The following DAGLB variants were observed in gnomAD, a reference collection of about 807,000 sequenced individuals.
DAGLB encodes diacylglycerol lipase-beta.
DAGLB carries 66 observed loss-of-function variants against 72.1 expected under a neutral mutation model. The observed-to-expected ratio is 0.92, with a 90% CI of 0.75 to 1.12. The LOEUF (loss-of-function observed/expected upper bound fraction) is 1.12. Among genes scored for constraint, DAGLB ranks in the 50% most tolerant of loss-of-function variants. DAGLB has a pLI of 0.00. For synonymous variants in DAGLB, 414 were observed against 359.5 expected, an observed-to-expected ratio of 1.15 and a Z score of -1.71; for missense variants, 1,065 against 884.9, an observed-to-expected ratio of 1.20 and a Z score of -2.58.
At chr7:6,423,624 T>C (rs181138828) in intron 8 of DAGLB, among the ~76,000 whole-genome samples, 51 of 147,700 alleles carry the variant, frequency 3.5e-4, no homozygotes, top group Non-Finnish European at 6.2e-4. Flanking sequence ...GGTCTCACTC[T>C]GTCTCCAGGC....
Position 6,426,066 on chromosome 7 carries a change from G to A in DAGLB, c.978C>T (p.Leu326=). The part of the protein sequence containing the change: ...TDYDLVGGDQ[L]NCHFGSILHT... ...GCAGGATGGAGCCGAAGTGACAGTTGAGCTGATCGCCTCCGACCAAGTCAT... is the reference window on the plus strand; with the variant it reads ...GCAGGATGGAGCCGAAGTGACAGTTAAGCTGATCGCCTCCGACCAAGTCAT... The change falls in exon 7 of 15, where the codon CTC becomes CTT. Residue 326 remains leucine (L), a synonymous_variant. Transcript: ENST00000297056. 1 of 1,614,086 alleles carries A rather than the reference G, an allele frequency of 6.2e-7. No homozygotes were observed. Among genetic ancestry groups the A allele is most frequent in the South Asian group, 1.1e-5 (1 of 91,076 alleles).
intron 2 of DAGLB, among the ~76,000 whole-genome samples, chr7:6,443,900 G>A (rs1164072395): frequency 6.6e-6 from 1 of 152,128 alleles, no homozygotes; most frequent in Non-Finnish European, 1.5e-5. Flanking sequence ...CAACAGGGAA[G>A]GTTTCCAACA....
At chr7:6,417,088 T>C in intron 9 of DAGLB, 167 bp from the exon 10 acceptor site, 3 of 732,438 alleles carry the variant, frequency 4.1e-6, no homozygotes, top group South Asian at 3.6e-5. Context: ...TCCTGGCACC[T>C]TGCACAGCGC....
At chr7:6,410,977 C>T (rs1370926467) in intron 13 of DAGLB, among the ~76,000 whole-genome samples, 13 of 151,324 alleles carry the variant, frequency 8.6e-5, no homozygotes, top group African/African-American at 3.2e-4. Context: ...CTCCGCCTCC[C>T]GGGTTCACGC....
chr7:6,418,761 T>C (rs1216953493), intron 9 of DAGLB, among the ~76,000 whole-genome samples: 1 of 151,676 alleles, frequency 6.6e-6, no homozygotes, highest in African/African-American at 2.4e-5. Flanking sequence ...ACCTCCCGGG[T>C]TCACGCCATT....
At chr7:6,429,195 C>T (rs1235851678) in intron 6 of DAGLB, among the ~76,000 whole-genome samples, 1 of 151,972 alleles carries the variant, frequency 6.6e-6, no homozygotes, top group Non-Finnish European at 1.5e-5. Context: ...GACAAACTGG[C>T]ATCATGTATC....
At chr7:6,435,164 C>T (rs1784614329) in intron 3 of DAGLB, 144 bp from the exon 4 acceptor site, 1 of 1,247,316 alleles carries the variant, frequency 8.0e-7, no homozygotes, top group African/African-American at 1.5e-5. Flanking sequence ...CTCCTGGAAC[C>T]TGCCTGAGGC....
chr7:6,437,032 C>T (rs947398197), intron 2 of DAGLB, among the ~76,000 whole-genome samples: 1 of 151,592 alleles, frequency 6.6e-6, no homozygotes, highest in Admixed American at 6.6e-5. Context: ...CGTCTGTAAT[C>T]CTAGCTACTT....
chr7:6,410,453 G>A, intron 13 of DAGLB, 73 bp from the exon 14 acceptor site: 1 of 1,526,036 alleles, frequency 6.6e-7, no homozygotes, highest in Non-Finnish European at 8.8e-7. Flanking sequence ...AAACACCAAG[G>A]CGGACCAGGC....
intron 5 of DAGLB, among the ~76,000 whole-genome samples, chr7:6,430,930 C>T (rs1211895962): frequency 6.6e-6 from 1 of 152,130 alleles, no homozygotes; most frequent in Non-Finnish European, 1.5e-5. Flanking sequence ...CACCCGCCAC[C>T]ACACCCGGCT....
intron 7 of DAGLB, among the ~76,000 whole-genome samples, chr7:6,425,165 G>C (rs1166829973): frequency 2.0e-5 from 3 of 152,248 alleles, no homozygotes; most frequent in South Asian, 4.1e-4. Context: ...GGGCAGCAAA[G>C]TGGGAGAGCC....
At chr7:6,438,535 A>C (rs1784735289) in intron 2 of DAGLB, among the ~76,000 whole-genome samples, 1 of 152,076 alleles carries the variant, frequency 6.6e-6, no homozygotes, top group Non-Finnish European at 1.5e-5. Context: ...TGTTATAACA[A>C]TAGCCAAACA....
intron 6 of DAGLB, among the ~76,000 whole-genome samples, chr7:6,427,978 G>A (rs966403712): frequency 3.3e-5 from 5 of 152,178 alleles, no homozygotes; most frequent in African/African-American, 1.2e-4. Flanking sequence ...CATATTGACA[G>A]TAAGATGTAG....
At position 6,421,724 on chromosome 7, in the gene DAGLB, T is replaced by A; in HGVS notation, c.1218+3A>T. The A allele has an allele frequency of 6.2e-7, 1 of 1,608,410 alleles. No individual in the cohort carries two copies. Among genetic ancestry groups the A allele is most frequent in the Non-Finnish European group, 8.5e-7 (1 of 1,176,198 alleles). ...GGCAAGACACACGAGTCCGCGCTCATACCTTGTGTGCCAGGCGGTCCTGCA... is the reference window on the plus strand; with the variant it reads ...GGCAAGACACACGAGTCCGCGCTCAAACCTTGTGTGCCAGGCGGTCCTGCA... On this transcript the variant is annotated splice_donor_region_variant and intron_variant, in intron 9 of 14. Coordinates refer to ENST00000297056, the MANE Select transcript of DAGLB (RefSeq NM_139179.4).
At position 6,413,003 on chromosome 7, in the gene DAGLB, T is replaced by C; in HGVS notation, c.1459A>G (p.Ile487Val). Residue 487 changes from isoleucine (I) to valine (V), a missense_variant, in exon 12 of 15, where the codon ATC becomes GTC. By Grantham distance (29) the Ile-to-Val change is conservative. Transcript: ENST00000297056. ...TCCTTCCCCAGGACGAGTGACACGA[T>C]GAAGCTCTGAGAATATTCCTGCAGA... ...KALQEYSQSF[I>V]VSLVLGKDVI... 2 of 1,613,964 alleles carry C rather than the reference T, an allele frequency of 1.2e-6. No homozygotes were observed. Among genetic ancestry groups the C allele is most frequent in the East Asian group, 4.5e-5 (2 of 44,864 alleles).
At chr7:6,437,094 C>T (rs774975246) in intron 2 of DAGLB, among the ~76,000 whole-genome samples, 3 of 150,634 alleles carry the variant, frequency 2.0e-5, no homozygotes, top group Non-Finnish European at 4.4e-5. Context: ...GCGGAGGTTG[C>T]AGTGAGCTGA....
chr7:6,409,806 T>C lies in DAGLB; in HGVS notation c.*31A>G, dbSNP rs765885126. On this transcript the variant is annotated 3_prime_UTR_variant, in exon 15 of 15. Transcript: ENST00000297056. ...GTTTAAGGACAAAAGCGTGAGTCCA[T>C]CGTTCCTGGGACAGTTTCCAGTGGC... The C allele has an allele frequency of 1.2e-6, 2 of 1,604,388 alleles. No homozygotes were observed. The highest frequency in any genetic ancestry group is 2.2e-5 in the East Asian group (1 of 44,690).
At chr7:6,434,567 G>A (rs770759932) in intron 4 of DAGLB, among the ~76,000 whole-genome samples, 195 bp downstream of exon 4, 1 of 152,144 alleles carries the variant, frequency 6.6e-6, no homozygotes, top group African/African-American at 2.4e-5. Flanking sequence ...GGGACACAGG[G>A]TCTGAGAAGG....
At chr7:6,435,097 A>G (rs1167865207) in intron 3 of DAGLB, 77 bp from the exon 4 acceptor site, 1 of 1,567,460 alleles carries the variant, frequency 6.4e-7, no homozygotes, top group African/African-American at 1.4e-5. Context: ...TCCCTCCTCC[A>G]GGTTCAGTTT....
Sources: allele counts gnomAD v4.1 joint callset (sites outside exome capture counted in the v4.1 genomes callset), GRCh38; gene constraint gnomAD v4.1.1; transcripts MANE v1.5; gene names NCBI Gene and HGNC (gene_info 2026-07-23, HGNC 2026-07-21).